Variants in PLEKHA8 observed in about 807,000 individuals in gnomAD.
PLEKHA8 encodes the protein pleckstrin homology domain-containing family A member 8.
PLEKHA8 carries 36 observed loss-of-function variants against 68.2 expected under a neutral mutation model. The ratio of observed to expected loss-of-function variants is 0.53; its 90% CI spans 0.40 to 0.70. The LOEUF (loss-of-function observed/expected upper bound fraction) is 0.70. Among genes scored for constraint, PLEKHA8 ranks in the 30% least tolerant of loss-of-function variants. The pLI is 0.00. For synonymous variants in PLEKHA8, 211 were observed against 216.1 expected, an observed-to-expected ratio of 0.98 and a Z score of 0.20; for missense variants, 505 against 615.4, an observed-to-expected ratio of 0.82 and a Z score of 1.90.
At chr7:30,056,088 G>A (rs1176638096) in intron 9 of PLEKHA8, among the ~76,000 whole-genome samples, 1 of 150,412 alleles carries the variant, frequency 6.6e-6, no homozygotes, top group African/African-American at 2.4e-5. Flanking sequence ...GACTTCAGGT[G>A]CCTGCCACCA....
intron 13 of PLEKHA8, among the ~76,000 whole-genome samples, chr7:30,098,061 G>A (rs1436745145): frequency 6.6e-6 from 1 of 152,210 alleles, no homozygotes; most frequent in Non-Finnish European, 1.5e-5. Context: ...ACCCTCAGCT[G>A]CAGGTCTGTT....
intron 13 of PLEKHA8, among the ~76,000 whole-genome samples, chr7:30,111,819 C>T (rs1796284894): frequency 6.6e-6 from 1 of 152,076 alleles, no homozygotes. Context: ...CTCCGAAATA[C>T]CCTTGTAGTT....
At chr7:30,039,606 C>G (rs1273275449) in intron 1 of PLEKHA8, among the ~76,000 whole-genome samples, 1 of 152,130 alleles carries the variant, frequency 6.6e-6, no homozygotes, top group African/African-American at 2.4e-5. Flanking sequence ...TTCTAACTTT[C>G]ATTTTCAGAT....
intron 2 of PLEKHA8, 46 bp from the exon 3 acceptor site, chr7:30,046,164 G>C (rs1427570561): frequency 2.0e-6 from 3 of 1,495,122 alleles, no homozygotes; most frequent in Non-Finnish European, 8.9e-7. Context: ...AGGCTACCCA[G>C]ACAGGGCTCT....
chr7:30,079,720 C>A lies in PLEKHA8; in HGVS notation c.*933C>A. ...AAGTCATATGGAGTGCTTGTTCAAA[C>A]AGCAGATTCCCAGGCCTTATTTTGG... On this transcript the variant is annotated 3_prime_UTR_variant, in exon 14 of 14. Transcript: ENST00000449726. 2 of 500,906 alleles carry A rather than the reference C, an allele frequency of 4.0e-6. No homozygotes were observed. The highest frequency in any genetic ancestry group is 5.2e-6 in the Non-Finnish European group (2 of 387,530). The allele number at this position is 500,906 out of a possible 1,614,324, so 31.0% of individuals were successfully genotyped here. A position where few individuals can be genotyped will look rare whatever the true frequency, so the allele number is the denominator to read the frequency against.
chr7:30,116,294 T>TCG (rs907352102), intron 13 of PLEKHA8, among the ~76,000 whole-genome samples: 16 of 151,576 alleles, frequency 1.1e-4, no homozygotes, highest in African/African-American at 3.4e-4. Flanking sequence ...ATGTATGTAT[T>TCG]CATACATGTA....
chr7:30,109,779 C>G (rs2128016713), intron 13 of PLEKHA8, among the ~76,000 whole-genome samples: 1 of 151,172 alleles, frequency 6.6e-6, no homozygotes, highest in South Asian at 2.1e-4. Context: ...TCAAGCAATC[C>G]TTTCATCTTA....
chr7:30,063,569 T>C lies in PLEKHA8; in HGVS notation c.1300+827T>C, dbSNP rs951787185. ...GGAGCTAGTGTTCTCTGTGGCTTTTTTTCAGTGTCACAGTTGGGTTCTACC... is the reference window on the plus strand; with the variant it reads ...GGAGCTAGTGTTCTCTGTGGCTTTTCTTCAGTGTCACAGTTGGGTTCTACC... On this transcript the variant is annotated intron_variant, in intron 12 of 13. Transcript: ENST00000449726. 3.3e-5 allele frequency among the ~76,000 whole-genome samples: 5 copies of C among 152,206 alleles called. No homozygotes were observed. In the South Asian group the frequency reaches 6.2e-4, roughly 19 times the overall value.
In PLEKHA8 at chr7:30,082,981, A is replaced by C. The variant is rs1433975936; in HGVS notation, c.*4194A>C. 1.3e-5 allele frequency: 13 copies of C among 985,294 alleles called. No homozygotes were observed. Among genetic ancestry groups the C allele is most frequent in the Non-Finnish European group, 1.6e-5 (13 of 829,922 alleles). 61.0% of individuals were successfully genotyped at this position (985,294 alleles called of 1,614,324 possible). A position where few individuals can be genotyped will look rare whatever the true frequency, so the allele number is the denominator to read the frequency against. The stretch of plus-strand genomic sequence containing the variant: ...ATTAAAACCAGTTGCTTCTGATTTT[A>C]GTCACAGGTTTTACAAGTATTCAGC... On this transcript the variant is annotated 3_prime_UTR_variant, in exon 14 of 14. Transcript: ENST00000449726.
rs1340210074 is a variant in PLEKHA8, at chr7:30,080,991, C to T, written c.*2204C>T. ...TGCTCCCTGTCACCTCAGGTGAACT[C>T]TGTGGTCTCTTGGAGAGGTAGCACT... On this transcript the variant is annotated 3_prime_UTR_variant, in exon 14 of 14. Transcript: ENST00000449726. The T allele has an allele frequency of 1.0e-6, 1 of 985,238 alleles. No individual in the cohort carries two copies. The highest frequency in any genetic ancestry group is 1.2e-6 in the Non-Finnish European group (1 of 829,916). 61.0% of individuals were successfully genotyped at this position (985,238 alleles called of 1,614,324 possible).
In PLEKHA8 at chr7:30,084,486, G is replaced by T; in HGVS notation, c.*5699G>T. 1 of 985,304 alleles carries T rather than the reference G, an allele frequency of 1.0e-6. No homozygotes were observed. Among genetic ancestry groups the T allele is most frequent in the Non-Finnish European group, 1.2e-6 (1 of 829,866 alleles). 61.0% of individuals were successfully genotyped at this position (985,304 alleles called of 1,614,324 possible). A position where few individuals can be genotyped will look rare whatever the true frequency, so the allele number is the denominator to read the frequency against. On this transcript the variant is annotated 3_prime_UTR_variant, in exon 14 of 14. Coordinates refer to ENST00000449726, the MANE Select transcript of PLEKHA8 (RefSeq NM_001197026.2). Reference sequence around the variant, plus strand: ...GGAGCCTCTTGGGACCAACCGATGAGCGACAGTTTCATGTTTAGATTTGTA... The same window carrying T: ...GGAGCCTCTTGGGACCAACCGATGATCGACAGTTTCATGTTTAGATTTGTA...
chr7:30,054,943 AGGTGATGGCAT>A, intron 8 of PLEKHA8, 78 bp downstream of exon 8: 1 of 1,347,994 alleles, frequency 7.4e-7, no homozygotes. Context: ...TGTTCCTTTC[AGGTGATGGCAT>A]ATTCTAGGAG....
At chr7:30,091,798 G>T (rs1795424879), downstream of PLEKHA8, among the ~76,000 whole-genome samples, 1 of 152,208 alleles carries the variant, frequency 6.6e-6, no homozygotes. Flanking sequence ...TTCTTTCTTT[G>T]TGCTTCTGTG....
intron 4 of PLEKHA8, 40 bp from the exon 5 acceptor site, chr7:30,049,184 T>C: frequency 6.2e-7 from 1 of 1,612,438 alleles, no homozygotes; most frequent in Admixed American, 1.7e-5. Flanking sequence ...TTTTCTTTTT[T>C]GGCAAGGTAA....
chr7:30,030,037 A>C (rs1790541116), intron 1 of PLEKHA8, among the ~76,000 whole-genome samples: 1 of 152,206 alleles, frequency 6.6e-6, no homozygotes, highest in Admixed American at 6.5e-5. Flanking sequence ...GTCTGCAATT[A>C]GATTAGATGA....
chr7:30,060,652 A>G (rs1360844550), intron 9 of PLEKHA8, among the ~76,000 whole-genome samples: 1 of 152,200 alleles, frequency 6.6e-6, no homozygotes, highest in African/African-American at 2.4e-5. Flanking sequence ...TTATAAGATT[A>G]TCTTCATCTC....
downstream of PLEKHA8, among the ~76,000 whole-genome samples, chr7:30,093,059 C>T (rs1427461315): frequency 5.3e-5 from 8 of 152,172 alleles, no homozygotes; most frequent in Admixed American, 6.5e-5. Flanking sequence ...CAGATTTTCT[C>T]TCAATGCTTT....
At chr7:30,044,725 A>C (rs1287481407) in intron 1 of PLEKHA8, among the ~76,000 whole-genome samples, 1 of 152,254 alleles carries the variant, frequency 6.6e-6, no homozygotes, top group African/African-American at 2.4e-5. Flanking sequence ...TATTCGTCTT[A>C]GAAAAAGTAA....
Position 30,028,818 on chromosome 7 carries a change from G to A in PLEKHA8, c.40+16G>A, listed in dbSNP as rs754832257. 4.8e-6 allele frequency: 6 copies of A among 1,261,994 alleles called. No homozygotes were observed. The highest frequency in any genetic ancestry group is 6.0e-6 in the Non-Finnish European group (6 of 998,142). 78.2% of individuals were successfully genotyped at this position (1,261,994 alleles called of 1,614,324 possible). A position where few individuals can be genotyped will look rare whatever the true frequency, so the allele number is the denominator to read the frequency against. On this transcript the variant is annotated intron_variant, in intron 1 of 13. Coordinates refer to ENST00000449726, the MANE Select transcript of PLEKHA8 (RefSeq NM_001197026.2). ...TATCTGAGCGGTGAGTGGCCGTGCC[G>A]GGCCGGGGGCGCGCCGGGGGCCGGT... is the stretch of plus-strand genomic sequence containing the variant.
Sources: gnomAD v4.1 joint callset for allele counts (sites outside exome capture counted in the v4.1 genomes callset) on GRCh38, gnomAD v4.1.1 for gene constraint, MANE v1.5 for transcripts, NCBI Gene and HGNC (gene_info 2026-07-23, HGNC 2026-07-21) for gene names.